Variants in ATRN observed in about 807,000 individuals in gnomAD.
The protein encoded by ATRN is attractin-2.
A neutral mutation model predicts 178.7 loss-of-function variants in ATRN; 54 were observed. The ratio of observed to expected loss-of-function variants is 0.30; its 90% CI spans 0.24 to 0.38. The LOEUF (loss-of-function observed/expected upper bound fraction) is 0.38, where lower values mean the gene tolerates loss of function less well. Among genes scored for constraint, ATRN ranks in the 10% least tolerant of loss-of-function variants. The pLI is 1.00. For missense variants in ATRN, 1,443 were observed against 1,815.1 expected, an observed-to-expected ratio of 0.79 and a Z score of 3.73; for synonymous variants, 636 against 663.0, an observed-to-expected ratio of 0.96 and a Z score of 0.63.
intron 1 of ATRN, among the ~76,000 whole-genome samples, chr20:3,495,854 A>G (rs2084871649): frequency 6.6e-6 from 1 of 151,654 alleles, no homozygotes. Flanking sequence ...ATCTATAAAT[A>G]TATATTTTTG....
At chr20:3,524,234 CAAAA>C (rs761056301) in intron 1 of ATRN, among the ~76,000 whole-genome samples, 1 of 96,308 alleles carries the variant, frequency 1.0e-5, no homozygotes. Flanking sequence ...AAATGGAAGC[CAAAA>C]AAAAAAAAAA....
rs552036725 is a variant in ATRN at position 3,563,612 on chromosome 20, C to T, written c.1786+249C>T. ...AATTTTTAAGGCTGAGTTGAGGTGT[C>T]TAGTCTCTCCTTTGTCATGTTATGC... On this transcript the variant is annotated intron_variant, in intron 10 of 28. Coordinates refer to ENST00000262919, the MANE Select transcript of ATRN (RefSeq NM_139321.3). Among the ~76,000 whole-genome samples, 7 of 152,284 alleles carry T rather than the reference C, an allele frequency of 4.6e-5. No individual in the cohort carries two copies. The South Asian group carries it at 1.5e-3, about 32-fold the overall frequency.
rs1053467588 is a variant in ATRN at position 3,648,700 on chromosome 20, A to T, written c.*1853A>T. The T allele has an allele frequency of 2.6e-5, 4 of 152,266 alleles. No homozygotes were observed. The highest frequency in any genetic ancestry group is 2.9e-5 in the Non-Finnish European group (2 of 68,062). 9.4% of individuals were successfully genotyped at this position (152,266 alleles called of 1,614,324 possible). On this transcript the variant is annotated 3_prime_UTR_variant, in exon 29 of 29. Coordinates refer to ENST00000262919, the MANE Select transcript of ATRN (RefSeq NM_139321.3). ...ACCTCTACTTTGAGACTCACCTCTC[A>T]TAAAGCTTCTTTTTCACATTACTGT...
rs3736800 is a variant in ATRN, at chr20:3,559,702, A to G, written c.1203+219A>G. 1.4e-3 allele frequency among the ~76,000 whole-genome samples: 210 copies of G among 152,354 alleles called. 2 individuals carry two copies. In the East Asian group the frequency reaches 0.025, roughly 18 times the overall value. On this transcript the variant is annotated intron_variant, in intron 7 of 28. Coordinates refer to ENST00000262919, the MANE Select transcript of ATRN (RefSeq NM_139321.3). Reference sequence around the variant, plus strand: ...CTTCAAACTGTAATGGGGTATTATAATAATGGCACTAAATGGTTAAAGATG... The same window carrying G: ...CTTCAAACTGTAATGGGGTATTATAGTAATGGCACTAAATGGTTAAAGATG...
intron 24 of ATRN, among the ~76,000 whole-genome samples, chr20:3,620,132 A>G (rs979095848): frequency 6.6e-6 from 1 of 150,706 alleles, no homozygotes; most frequent in Admixed American, 6.6e-5. Context: ...TGGGGATTTA[A>G]CCTTCCAATT....
intron 20 of ATRN, among the ~76,000 whole-genome samples, 166 bp downstream of exon 20, chr20:3,594,738 A>G (rs1443755305): frequency 6.6e-6 from 1 of 152,238 alleles, no homozygotes; most frequent in Non-Finnish European, 1.5e-5. Context: ...CAGACAGGTC[A>G]GTCCCCAAAA....
chr20:3,475,599 T>C (rs566995865), intron 1 of ATRN, among the ~76,000 whole-genome samples: 1 of 152,344 alleles, frequency 6.6e-6, no homozygotes, highest in South Asian at 2.1e-4. Context: ...ATCATTTTTT[T>C]CTACTTGTAA....
At position 3,645,378 on chromosome 20, in the gene ATRN, C is replaced by A. The variant is rs2087099830; in HGVS notation, c.4165+1110C>A. ...ATTGTCTTCATCTCACCTAGGGATTCCTGTGAGTTGAGCCCCTAACTCGGC... is the reference window on the plus strand; with the variant it reads ...ATTGTCTTCATCTCACCTAGGGATTACTGTGAGTTGAGCCCCTAACTCGGC... On this transcript the variant is annotated intron_variant, in intron 28 of 28. Coordinates refer to ENST00000262919, the MANE Select transcript of ATRN (RefSeq NM_139321.3). This position sits in a 1 kb window ranked among gnomAD's most constrained non-coding sequence, Gnocchi z 4.7. Among the ~76,000 whole-genome samples, 1 of 152,242 alleles carries A rather than the reference C, an allele frequency of 6.6e-6. No individual in the cohort carries two copies. Among genetic ancestry groups the A allele is most frequent in the African/African-American group, 2.4e-5 (1 of 41,464 alleles).
chr20:3,597,906 A>C lies in ATRN; in HGVS notation c.3470A>C (p.Tyr1157Ser). The change falls in exon 22 of 29, where the codon TAT (tyrosine) becomes TCT (serine). Residue 1157 changes from tyrosine to serine, a missense_variant and splice_region_variant. Coordinates refer to ENST00000262919, the MANE Select transcript of ATRN (RefSeq NM_139321.3). The stretch of plus-strand genomic sequence containing the variant: ...AATATGCATTTCTTTCTTTCCATAG[A>C]TACTCTTCTTATTGACTATCAGTTC... The part of the protein sequence containing the change: ...QGNPLRGTCY[Y>S]TLLIDYQFTF... 1.3e-6 allele frequency: 2 copies of C among 1,575,950 alleles called. No homozygotes were observed. Among genetic ancestry groups the C allele is most frequent in the Non-Finnish European group, 1.7e-6 (2 of 1,146,796 alleles).
intron 1 of ATRN, among the ~76,000 whole-genome samples, chr20:3,527,563 A>C (rs568800811): frequency 6.6e-6 from 1 of 152,312 alleles, no homozygotes; most frequent in East Asian, 1.9e-4. Flanking sequence ...CAGCAATCCC[A>C]TTACTGGGTG....
At chr20:3,557,268 A>G (rs1271148031) in intron 6 of ATRN, among the ~76,000 whole-genome samples, 1 of 152,336 alleles carries the variant, frequency 6.6e-6, no homozygotes, top group African/African-American at 2.4e-5. Flanking sequence ...AGAAGAGAGA[A>G]TGAGAATGAT....
At chr20:3,548,058 CATTTT>C (rs1262135517) in intron 5 of ATRN, among the ~76,000 whole-genome samples, 1 of 152,126 alleles carries the variant, frequency 6.6e-6, no homozygotes, top group Non-Finnish European at 1.5e-5. Flanking sequence ...GTTTGGCTGA[CATTTT>C]AGAGTTAATA....
rs11087589 is a variant in ATRN at position 3,597,071 on chromosome 20, T to TATATATATATATATATAAAA, written c.3469+645_3469+646insTATATATATATATAAAAATA. ...GTGAATATGACTTCATATATATATA[T>TATATATATATATATATAAAA]ATAAAACTTCTAAAAGAAAACAAGA... On this transcript the variant is annotated intron_variant, in intron 21 of 28. Transcript: ENST00000262919. 1.4e-4 allele frequency among the ~76,000 whole-genome samples: 19 copies of TATATATATATATATATAAAA among 134,032 alleles called. 1 individual carries two copies. Among genetic ancestry groups the TATATATATATATATATAAAA allele is most frequent in the East Asian group, 7.0e-4 (3 of 4,258 alleles). 87.9% of individuals were successfully genotyped at this position (134,032 alleles called of 152,430 possible).
intron 24 of ATRN, among the ~76,000 whole-genome samples, chr20:3,613,669 T>G (rs1255868637): frequency 1.3e-5 from 2 of 152,244 alleles, no homozygotes; most frequent in Admixed American, 6.5e-5. Flanking sequence ...TTGCCTTTGA[T>G]TCTCATTTTT....
rs373410816 is a variant in ATRN at position 3,540,294 on chromosome 20, T to C, written c.567T>C (p.Tyr189=). 3.1e-6 allele frequency: 5 copies of C among 1,611,384 alleles called. No individual in the cohort carries two copies. In the African/African-American group the frequency reaches 6.7e-5, roughly 22 times the overall value. ...GTAGTTGGGACCATTTATATGTTTA[T>C]GATGGGGACTCAATTTATGCACCGC... is the stretch of plus-strand genomic sequence containing the variant. The part of the protein sequence containing the change: ...TECSWDHLYV[Y]DGDSIYAPLV... Residue 189 remains tyrosine, a synonymous_variant, in exon 3 of 29, where the codon TAT becomes TAC. Transcript: ENST00000262919.
intron 22 of ATRN, among the ~76,000 whole-genome samples, chr20:3,598,948 A>G (rs961724191): frequency 6.6e-6 from 1 of 152,244 alleles, no homozygotes; most frequent in Non-Finnish European, 1.5e-5. Context: ...AATGTTATCT[A>G]TAAACATTGC....
intron 11 of ATRN, among the ~76,000 whole-genome samples, chr20:3,571,549 C>T (rs1323339786): frequency 7.9e-6 from 1 of 127,360 alleles, no homozygotes; most frequent in East Asian, 2.8e-4. Flanking sequence ...CATATATTGT[C>T]AATTTTTTGT....
Position 3,496,362 on chromosome 20 carries a change from C to T in ATRN, c.410+24845C>T, listed in dbSNP as rs549752014. ...TTCTGGTATGTTGTGTCTTTGTTCTCGTTGGTTTCAAAGAACATCTTTATT... is the reference window on the plus strand; with the variant it reads ...TTCTGGTATGTTGTGTCTTTGTTCTTGTTGGTTTCAAAGAACATCTTTATT... On this transcript the variant is annotated intron_variant, in intron 1 of 28. Transcript: ENST00000262919. 1.5e-4 allele frequency among the ~76,000 whole-genome samples: 23 copies of T among 151,200 alleles called. No homozygotes were observed. The South Asian group carries it at 4.7e-3, about 31-fold the overall frequency.
At chr20:3,576,022 T>C in intron 13 of ATRN, 74 bp downstream of exon 13, 1 of 1,452,304 alleles carries the variant, frequency 6.9e-7, no homozygotes, top group Non-Finnish European at 9.1e-7. Context: ...GTGTATATGG[T>C]ATAAATAATG....
Sources: gnomAD v4.1 joint callset for allele counts (sites outside exome capture counted in the v4.1 genomes callset) on GRCh38, gnomAD v4.1.1 for gene constraint, Gnocchi (gnomAD v3.1) non-coding constraint, MANE v1.5 for transcripts, NCBI Gene and HGNC (gene_info 2026-07-23, HGNC 2026-07-21) for gene names.